ZNF420: variants seen among roughly 807,000 people sequenced by gnomAD.
ZNF420 encodes the protein zinc finger protein 420.
Under a neutral mutation model 44.7 loss-of-function variants are expected in ZNF420, and 31 were observed. The observed-to-expected ratio is 0.69, with a 90% confidence interval of 0.52 to 0.94. The LOEUF (loss-of-function observed/expected upper bound fraction) is 0.94. ZNF420 is among the 40% of genes least tolerant of loss of function. The probability of loss-of-function intolerance (pLI) is 0.00; values close to 1 mark genes in which losing one functional copy is unlikely to be tolerated. For synonymous variants in ZNF420, 245 were observed against 267.4 expected (o/e 0.92, Z 0.82); for missense variants, 681 against 827.9 (o/e 0.82, Z 2.18).
At chr19:37,040,538 G>C (rs1033902315) in intron 1 of ZNF420, among the ~76,000 whole-genome samples, 1 of 151,976 alleles carries the variant, frequency 6.6e-6, no homozygotes. Context: ...CTACCCAATA[G>C]AACCAAGAAG....
chr19:37,119,279 C>G (rs567608119), intron 4 of ZNF420, among the ~76,000 whole-genome samples: 1 of 152,230 alleles, frequency 6.6e-6, no homozygotes, highest in African/African-American at 2.4e-5. Context: ...GTCTCTCAGA[C>G]CACAGTGCAA....
chr19:37,070,666 A>T lies in ZNF420; in HGVS notation c.-124-9679A>T, dbSNP rs180808957. ...CTTTAAAATCTTAACCTTATTAGTA[A>T]GCAGAGAAATGCAAATTAAAACCAA... On this transcript the variant is annotated intron_variant, in intron 1 of 4. Transcript: ENST00000587029. Among the ~76,000 whole-genome samples the T allele has an allele frequency of 2.3e-3, 346 of 152,348 alleles. 2 individuals are homozygous for T. Among genetic ancestry groups the T allele is most frequent in the African/African-American group, 8.1e-3 (336 of 41,590 alleles).
At chr19:37,044,446 C>G (rs1967510439) in intron 1 of ZNF420, among the ~76,000 whole-genome samples, 2 of 152,168 alleles carry the variant, frequency 1.3e-5, no homozygotes, top group South Asian at 4.1e-4. Flanking sequence ...CTTAGACCAG[C>G]CCCCCAGTAA....
At chr19:37,077,194 C>T (rs1334601881), upstream of ZNF420, among the ~76,000 whole-genome samples, 1 of 152,220 alleles carries the variant, frequency 6.6e-6, no homozygotes, top group East Asian at 1.9e-4. Flanking sequence ...ACAAACTCTA[C>T]AGCCTTAAGT....
In ZNF420 at chr19:37,128,764, G is replaced by A; in HGVS notation, c.1773G>A (p.Glu591=). ...GAGAAAAACCCTATGAATGCAAGGA[G>A]TGTGGCAAGGCCTTTAGTCATGGCT... ...HTGEKPYECK[E]CGKAFSHGSQ... is the part of the protein sequence containing the mutation. Residue 591 remains glutamate (E), a synonymous_variant, in exon 5 of 5, where the codon GAG becomes GAA. Transcript: ENST00000337995. 6.2e-7 allele frequency: 1 copy of A among 1,611,654 alleles called. No homozygotes were observed. Among genetic ancestry groups the A allele is most frequent in the Non-Finnish European group, 8.5e-7 (1 of 1,179,354 alleles).
At chr19:37,121,736 G>C (rs1410677036) in intron 4 of ZNF420, among the ~76,000 whole-genome samples, 6 of 151,880 alleles carry the variant, frequency 4.0e-5, no homozygotes, top group Non-Finnish European at 7.4e-5. Context: ...TCTGACAAAG[G>C]GCTAATATCC....
rs544340787 is a variant in ZNF420, at chr19:37,044,001, A to G, written c.-125+35919A>G. 3.5e-3 allele frequency among the ~76,000 whole-genome samples: 540 copies of G among 152,358 alleles called. 1 individual carries two copies. The highest frequency in any genetic ancestry group is 5.7e-3 in the Non-Finnish European group (390 of 68,032). On this transcript the variant is annotated intron_variant, in intron 1 of 4. Transcript: ENST00000587029. ...CTGACCATTGGACTGCGGACTGCAC[A>G]TGCAGCTACCAGGTTCTTCTGGATA...
intron 4 of ZNF420, among the ~76,000 whole-genome samples, chr19:37,124,072 C>T (rs890753349): frequency 6.6e-6 from 1 of 152,146 alleles, no homozygotes; most frequent in Admixed American, 6.6e-5. Context: ...TTCCCTCATG[C>T]TTTCTTCTTT....
At position 37,008,280 on chromosome 19, in the gene ZNF420, T is replaced by TTCTC. The variant is rs534361132; in HGVS notation, c.-125+209_-125+212dup. 5.3e-5 allele frequency among the ~76,000 whole-genome samples: 8 copies of TTCTC among 151,906 alleles called. No individual in the cohort carries two copies. The East Asian group carries it at 1.2e-3, about 22-fold the overall frequency. On this transcript the variant is annotated intron_variant, in intron 1 of 4. Coordinates refer to the ZNF420 transcript ENST00000587029. ...TGTAGTGTGTGTGTGTCTCACTTTCTTCTCTCTCTCTCTCCCTCTGTTTCT... is the reference window on the plus strand; with the variant it reads ...TGTAGTGTGTGTGTGTCTCACTTTCTTCTCTCTCTCTCTCTCTCCCTCTGTTTCT...
intron 1 of ZNF420, among the ~76,000 whole-genome samples, chr19:37,053,995 G>A (rs916560406): frequency 1.4e-4 from 21 of 152,208 alleles, no homozygotes; most frequent in African/African-American, 2.9e-4. Context: ...CCTGAGCTGC[G>A]GTGGGCTCCA....
intron 4 of ZNF420, chr19:37,091,349 G>C (rs1969131605): frequency 3.3e-6 from 1 of 305,306 alleles, no homozygotes; most frequent in Non-Finnish European, 5.9e-6. Flanking sequence ...GATGAACAAA[G>C]GGCTAGATTT....
At chr19:37,014,271 G>C (rs1238714920) in intron 1 of ZNF420, among the ~76,000 whole-genome samples, 1 of 152,114 alleles carries the variant, frequency 6.6e-6, no homozygotes, top group Admixed American at 6.5e-5. Flanking sequence ...GGAGGCCCAG[G>C]TCGAAGGGAG....
rs1568482004 is a variant in ZNF420, at chr19:37,127,607, C to T, written c.616C>T (p.Gln206Ter). 6.2e-7 allele frequency: 1 copy of T among 1,613,860 alleles called. No individual in the cohort carries two copies. Residue 206 changes from glutamine to a stop codon, truncating the protein, a stop_gained, in exon 5 of 5, where the codon CAA becomes TAA. Transcript: ENST00000337995. LOFTEE classifies it high-confidence loss of function. ...ACKECGKAFT[Q>*]SSQLILHHRI... ...TAAGGAATGTGGGAAGGCCTTTACT[C>T]AAAGCTCACAACTTATTTTACATCA...
intron 1 of ZNF420, among the ~76,000 whole-genome samples, chr19:37,059,587 C>T (rs969843824): frequency 2.0e-5 from 3 of 152,122 alleles, no homozygotes; most frequent in African/African-American, 4.8e-5. Context: ...GGGGAAGCGG[C>T]GCGGCATCCC....
At chr19:37,119,423 T>C (rs185141954) in intron 4 of ZNF420, among the ~76,000 whole-genome samples, 2,917 of 152,090 alleles carry the variant, frequency 0.019, 76 homozygotes, top group East Asian at 0.049. Context: ...TTGAAACCAA[T>C]GAGAACAAAG....
intron 1 of ZNF420, among the ~76,000 whole-genome samples, chr19:37,043,835 G>C (rs573441304): frequency 6.6e-6 from 1 of 152,272 alleles, no homozygotes. Context: ...ACTGTGGCTT[G>C]TTGGTGGGAG....
At chr19:37,037,502 T>C (rs1305123855) in intron 1 of ZNF420, among the ~76,000 whole-genome samples, 11 of 152,108 alleles carry the variant, frequency 7.2e-5, no homozygotes, top group Admixed American at 2.6e-4. Flanking sequence ...GCATCTCCAT[T>C]ATTTTGGAGA....
intron 1 of ZNF420, among the ~76,000 whole-genome samples, chr19:37,018,729 A>T (rs895967922): frequency 6.6e-6 from 1 of 152,018 alleles, no homozygotes; most frequent in Non-Finnish European, 1.5e-5. Context: ...CACCATGCCC[A>T]GTGAATTTTT....
intron 1 of ZNF420, among the ~76,000 whole-genome samples, chr19:37,052,428 C>T (rs1967655884): frequency 6.6e-6 from 1 of 152,048 alleles, no homozygotes; most frequent in South Asian, 2.1e-4. Flanking sequence ...TTATTTTGCT[C>T]GTTAGTTGAT....
Sources: gnomAD v4.1 joint callset for allele counts (sites outside exome capture counted in the v4.1 genomes callset) on GRCh38, gnomAD v4.1.1 for gene constraint, MANE v1.5 for transcripts, NCBI Gene and HGNC (gene_info 2026-07-23, HGNC 2026-07-21) for gene names.